The following SEC24D variants were observed in gnomAD, a reference collection of about 807,000 sequenced individuals.
The protein encoded by SEC24D is SEC24 homolog D, COPII component.
SEC24D carries 69 observed loss-of-function variants against 116.9 expected under a neutral mutation model. The ratio of observed to expected loss-of-function variants is 0.59; its 90% CI spans 0.49 to 0.72. SEC24D has a LOEUF of 0.72. Among genes scored for constraint, SEC24D ranks in the 30% least tolerant of loss-of-function variants. The pLI is 0.00. For missense variants in SEC24D, 1,131 were observed against 1,264.1 expected (o/e 0.89, Z 1.60); for synonymous variants, 405 against 442.8 (o/e 0.91, Z 1.07).
chr4:118,818,441 A>G (rs1290104116), intron 3 of SEC24D, among the ~76,000 whole-genome samples: 1 of 152,228 alleles, frequency 6.6e-6, no homozygotes, highest in East Asian at 1.9e-4. Context: ...CCAGGTCTTC[A>G]GTGAGTGCAC....
intron 8 of SEC24D, among the ~76,000 whole-genome samples, chr4:118,777,715 AC>A (rs1728206587): frequency 6.6e-6 from 1 of 152,208 alleles, no homozygotes; most frequent in African/African-American, 2.4e-5. Flanking sequence ...GAACTAGTTT[AC>A]ACTCCCACCA....
intron 8 of SEC24D, among the ~76,000 whole-genome samples, chr4:118,779,459 G>A (rs1728298611): frequency 6.6e-6 from 1 of 152,212 alleles, no homozygotes; most frequent in Admixed American, 6.5e-5. Context: ...AAGCTGACTT[G>A]AATGTGGTGG....
At chr4:118,743,523 GTTAC>G (rs1220783570) in intron 15 of SEC24D, among the ~76,000 whole-genome samples, 1 of 151,914 alleles carries the variant, frequency 6.6e-6, no homozygotes, top group Non-Finnish European at 1.5e-5. Flanking sequence ...TCACCTGTAG[GTTAC>G]TTATTTTTAA....
chr4:118,795,869 T>A (rs1307191952), intron 8 of SEC24D, among the ~76,000 whole-genome samples: 1 of 152,220 alleles, frequency 6.6e-6, no homozygotes, highest in Admixed American at 6.5e-5. Context: ...TATACACAGT[T>A]GTCAAAACTC....
intron 8 of SEC24D, among the ~76,000 whole-genome samples, chr4:118,772,591 C>A (rs1193771330): frequency 1.3e-5 from 2 of 151,998 alleles, no homozygotes; most frequent in East Asian, 3.9e-4. Context: ...AACAGAGGTA[C>A]GGTTGGGATA....
Position 118,723,660 on chromosome 4 carries a change from G to GAAA in SEC24D, c.2959-8_2959-6dup. 7.0e-7 allele frequency: 1 copy of GAAA among 1,431,896 alleles called. No individual in the cohort carries two copies. The highest frequency in any genetic ancestry group is 9.4e-7 in the Non-Finnish European group (1 of 1,060,712). The allele number at this position is 1,431,896 out of a possible 1,614,324, so 88.7% of individuals were successfully genotyped here. ...TCGCTGCTTTACAATTGTGAGCTAG[G>GAAA]AAAAAAAAAACAAAACAGTAACAGC... On this transcript the variant is annotated splice_polypyrimidine_tract_variant and splice_region_variant and intron_variant, in intron 22 of 22. Transcript: ENST00000280551.
At chr4:118,827,485 G>T (rs775219535) in intron 2 of SEC24D, among the ~76,000 whole-genome samples, 1 of 152,042 alleles carries the variant, frequency 6.6e-6, no homozygotes, top group African/African-American at 2.4e-5. Flanking sequence ...CTCACACAGC[G>T]GCAGATACCA....
rs375927953 is a variant in SEC24D, at chr4:118,757,710, G to A, written c.1421+11C>T. On this transcript the variant is annotated intron_variant, in intron 11 of 22. Transcript: ENST00000280551. Reference sequence around the variant, plus strand: ...ATGTATAAGTTGTAAAAAGAATGACGGTTGCCTTACTTTGGAATTTTTTCC... The same window carrying A: ...ATGTATAAGTTGTAAAAAGAATGACAGTTGCCTTACTTTGGAATTTTTTCC... 19 of 1,603,164 alleles carry A rather than the reference G, an allele frequency of 1.2e-5. No homozygotes were observed. Among genetic ancestry groups the A allele is most frequent in the African/African-American group, 1.1e-4 (8 of 74,182 alleles).
intron 11 of SEC24D, 60 bp from the exon 12 acceptor site, chr4:118,752,948 C>T (rs937323411): frequency 7.8e-7 from 1 of 1,274,360 alleles, no homozygotes; most frequent in Non-Finnish European, 1.1e-6. Flanking sequence ...AAGGAGGTTT[C>T]TATCTGAAAT....
chr4:118,825,855 T>C (rs1730571895), intron 2 of SEC24D, among the ~76,000 whole-genome samples: 1 of 152,150 alleles, frequency 6.6e-6, no homozygotes, highest in African/African-American at 2.4e-5. Flanking sequence ...GTATTTCATA[T>C]TAACATTTCC....
chr4:118,815,103 G>C lies in SEC24D; in HGVS notation c.726C>G (p.Phe242Leu). 1 of 1,614,092 alleles carries C rather than the reference G, an allele frequency of 6.2e-7. No homozygotes were observed. Among genetic ancestry groups the C allele is most frequent in the East Asian group, 2.2e-5 (1 of 44,876 alleles). ...AGAQLSYPGG[F>L]PGGPAQMAGP... Reference sequence around the variant, plus strand: ...CAGCCATCTGTGCAGGACCTCCAGGGAAGCCTCCTGGGTAAGACAGTTGTG... The same window carrying C: ...CAGCCATCTGTGCAGGACCTCCAGGCAAGCCTCCTGGGTAAGACAGTTGTG... The change falls in exon 6 of 23, where the codon TTC becomes TTG. Residue 242 changes from phenylalanine to leucine, a missense_variant. Phe to Leu is a conservative substitution (Grantham distance 22). Transcript: ENST00000280551.
chr4:118,736,113 C>A (rs902880434), intron 19 of SEC24D: 4 of 134,178 alleles, frequency 3.0e-5, no homozygotes, highest in African/African-American at 1.1e-4. Context: ...TCAAGCTATT[C>A]TCCTGCCTCA....
chr4:118,749,639 A>G (rs2110453283), intron 13 of SEC24D, among the ~76,000 whole-genome samples: 1 of 152,246 alleles, frequency 6.6e-6, no homozygotes, highest in African/African-American at 2.4e-5. Context: ...TGGGCTTTCT[A>G]AAGTTACTCT....
In SEC24D at chr4:118,770,588, A is replaced by G. The variant is rs555150323; in HGVS notation, c.1042-2277T>C. ...TTACTTTTCTCATCCTTTTATTTTC[A>G]AAAAGTCCAAAGGCTGTAACAAATC... On this transcript the variant is annotated intron_variant, in intron 8 of 22. Coordinates refer to ENST00000280551, the MANE Select transcript of SEC24D (RefSeq NM_014822.4). 2.0e-5 allele frequency among the ~76,000 whole-genome samples: 3 copies of G among 152,312 alleles called. No homozygotes were observed. The South Asian group carries it at 6.2e-4, about 32-fold the overall frequency.
At chr4:118,811,581 G>T (rs1327998346) in intron 6 of SEC24D, among the ~76,000 whole-genome samples, 1 of 152,196 alleles carries the variant, frequency 6.6e-6, no homozygotes, top group Non-Finnish European at 1.5e-5. Flanking sequence ...GGAGAAAAAG[G>T]TTCCCTGAGA....
Position 118,728,587 on chromosome 4 carries a change from G to T in SEC24D, c.2932C>A (p.Gln978Lys), listed in dbSNP as rs771748313. 6.2e-7 allele frequency: 1 copy of T among 1,607,234 alleles called. No individual in the cohort carries two copies. Among genetic ancestry groups the T allele is most frequent in the African/African-American group, 1.3e-5 (1 of 74,796 alleles). The change falls in exon 22 of 23, where the codon CAA becomes AAA. Residue 978 changes from glutamine to lysine, a missense_variant. Physicochemically the swap from Gln to Lys is moderately conservative, Grantham distance 53. Transcript: ENST00000280551. The stretch of plus-strand genomic sequence containing the variant: ...TTCATTGAATATGGCCTCTTTTGTT[G>T]GATAATACCCATTATCATTCTGAGT... ...QQLRMIMGII[Q>K]QKRPYSMKLT...
chr4:118,738,179 C>A, intron 19 of SEC24D, 82 bp downstream of exon 19: 2 of 926,410 alleles, frequency 2.2e-6, no homozygotes, highest in South Asian at 1.4e-5. Context: ...CCTGCAACAT[C>A]ATAAGCCTTC....
chr4:118,803,754 T>A (rs569456686), intron 7 of SEC24D, among the ~76,000 whole-genome samples: 1 of 152,208 alleles, frequency 6.6e-6, no homozygotes, highest in East Asian at 1.9e-4. Context: ...CTTAGGTAAA[T>A]TACCTAAGCA....
intron 8 of SEC24D, among the ~76,000 whole-genome samples, chr4:118,786,980 G>A (rs1012409961): frequency 1.3e-5 from 2 of 152,178 alleles, no homozygotes; most frequent in African/African-American, 4.8e-5. Context: ...TAAGCTTGGT[G>A]CATTTAGCTT....
Sources: gnomAD v4.1 joint callset for allele counts (sites outside exome capture counted in the v4.1 genomes callset) on GRCh38, gnomAD v4.1.1 for gene constraint, MANE v1.5 for transcripts, NCBI Gene and HGNC (gene_info 2026-07-23, HGNC 2026-07-21) for gene names.